Variants in C1QTNF3 observed in about 807,000 individuals in gnomAD.
The protein encoded by C1QTNF3 is C1q and TNF related 3.
Under a neutral mutation model 32.6 loss-of-function variants are expected in C1QTNF3, and 26 were observed. That is an observed-to-expected ratio of 0.80 (90% CI 0.58 to 1.11). C1QTNF3 has a LOEUF of 1.11. C1QTNF3 is among the 50% of genes least tolerant of loss of function. The pLI is 0.00. For missense variants in C1QTNF3, 362 were observed against 398.2 expected (o/e 0.91, Z 0.77); for synonymous variants, 155 against 146.0 (o/e 1.06, Z -0.44).
upstream of C1QTNF3, chr5:34,043,221 G>A: frequency 2.3e-6 from 3 of 1,319,886 alleles, no homozygotes; most frequent in East Asian, 2.3e-5. Flanking sequence ...GCTGAGAGCT[G>A]CAGCGGCGGA....
chr5:34,058,825 C>T, the C1QTNF3 span, among the ~76,000 whole-genome samples: 2 of 152,166 alleles, frequency 1.3e-5, no homozygotes, highest in Non-Finnish European at 2.9e-5. Flanking sequence ...CTGTCTATTT[C>T]GATCAGTAAA....
chr5:34,162,864 T>G, the C1QTNF3 span, among the ~76,000 whole-genome samples: 1 of 152,174 alleles, frequency 6.6e-6, no homozygotes, highest in Non-Finnish European at 1.5e-5. Context: ...ATTGTTTTAA[T>G]TGAGAAAAAT....
chr5:34,110,695 G>A, the C1QTNF3 span, among the ~76,000 whole-genome samples: 2 of 152,030 alleles, frequency 1.3e-5, no homozygotes, highest in East Asian at 1.9e-4. Flanking sequence ...AAAACTGATC[G>A]CTGCTTATTG....
chr5:34,235,219 C>T, the C1QTNF3 span, among the ~76,000 whole-genome samples: 2 of 152,102 alleles, frequency 1.3e-5, no homozygotes, highest in Admixed American at 6.5e-5. Context: ...GCTTTTTCAA[C>T]CTAATCAGAA....
chr5:34,046,709 T>C (rs912177345), upstream of C1QTNF3, among the ~76,000 whole-genome samples: 1 of 152,164 alleles, frequency 6.6e-6, no homozygotes, highest in Admixed American at 6.5e-5. Context: ...ATGTCAGTCT[T>C]AGCAAACAAA....
the C1QTNF3 span, among the ~76,000 whole-genome samples, chr5:34,231,169 A>G: frequency 1.3e-5 from 2 of 152,186 alleles, no homozygotes; most frequent in Admixed American, 1.3e-4. Flanking sequence ...TTTTGCTTTA[A>G]TAACAAATTA....
At chr5:34,150,457 G>C in the C1QTNF3 span, among the ~76,000 whole-genome samples, 1 of 71,652 alleles carries the variant, frequency 1.4e-5, no homozygotes, top group Admixed American at 1.3e-4. Flanking sequence ...TGGAAGTAAA[G>C]CTCTCCTCAG....
chr5:34,082,519 A>G, the C1QTNF3 span, among the ~76,000 whole-genome samples: 2 of 151,816 alleles, frequency 1.3e-5, no homozygotes, highest in South Asian at 2.1e-4. Context: ...CTACACTACC[A>G]TTTAATGAGA....
At chr5:34,209,731 T>C in the C1QTNF3 span, among the ~76,000 whole-genome samples, 2 of 152,076 alleles carry the variant, frequency 1.3e-5, no homozygotes, top group East Asian at 1.9e-4. Flanking sequence ...GGATCATATA[T>C]ATAGTTTTAC....
At chr5:34,137,338 C>T in the C1QTNF3 span, among the ~76,000 whole-genome samples, 9 of 152,144 alleles carry the variant, frequency 5.9e-5, no homozygotes, top group Admixed American at 3.3e-4. Flanking sequence ...ATTTCTACGT[C>T]CTGATTCCAA....
chr5:34,162,172 C>G, the C1QTNF3 span, among the ~76,000 whole-genome samples: 1 of 151,972 alleles, frequency 6.6e-6, no homozygotes, highest in East Asian at 1.9e-4. Context: ...TATAATGAAC[C>G]ATGGTTCATG....
the C1QTNF3 span, among the ~76,000 whole-genome samples, chr5:34,078,631 A>AT: frequency 6.6e-6 from 1 of 151,574 alleles, no homozygotes; most frequent in African/African-American, 2.4e-5. This position sits in a 1 kb window ranked among gnomAD's most constrained non-coding sequence, Gnocchi z 4.0. Flanking sequence ...ACGATTTGAG[A>AT]TAAGATTTGG....
At chr5:34,060,496 G>T in the C1QTNF3 span, among the ~76,000 whole-genome samples, 1 of 152,184 alleles carries the variant, frequency 6.6e-6, no homozygotes, top group Non-Finnish European at 1.5e-5. Flanking sequence ...GTATGCCTGT[G>T]TATTAGTCTG....
At chr5:34,021,048 T>TC (rs1754315898) in intron 5 of C1QTNF3, among the ~76,000 whole-genome samples, 6 of 152,106 alleles carry the variant, frequency 3.9e-5, no homozygotes, top group African/African-American at 1.4e-4. Flanking sequence ...CTCTCTCTCT[T>TC]CTCTGCTCCA....
chr5:34,155,896 T>C, the C1QTNF3 span, among the ~76,000 whole-genome samples: 1 of 152,168 alleles, frequency 6.6e-6, no homozygotes, highest in African/African-American at 2.4e-5. Context: ...AAAATACTTT[T>C]AAATATATAA....
the C1QTNF3 span, among the ~76,000 whole-genome samples, chr5:34,218,731 C>T: frequency 1.2e-4 from 18 of 152,226 alleles, 1 homozygote; most frequent in Middle Eastern, 3.4e-3. Context: ...CTCTCTAGAA[C>T]TCTAGGTAAA....
At chr5:34,089,433 G>C in the C1QTNF3 span, among the ~76,000 whole-genome samples, 1 of 152,106 alleles carries the variant, frequency 6.6e-6, no homozygotes. Context: ...TGGTATGAAT[G>C]GAATTGGTGC....
At chr5:34,139,708 C>T in the C1QTNF3 span, among the ~76,000 whole-genome samples, 1 of 152,022 alleles carries the variant, frequency 6.6e-6, no homozygotes, top group African/African-American at 2.4e-5. Context: ...AATAAACTGA[C>T]CTAGAATCAC....
At chr5:34,235,834 A>T in the C1QTNF3 span, among the ~76,000 whole-genome samples, 1 of 152,268 alleles carries the variant, frequency 6.6e-6, no homozygotes, top group Non-Finnish European at 1.5e-5. Context: ...GGTGATTTCT[A>T]TATTACTTGG....
Sources: gnomAD v4.1 joint callset for allele counts (sites outside exome capture counted in the v4.1 genomes callset) on GRCh38, gnomAD v4.1.1 for gene constraint, Gnocchi (gnomAD v3.1) non-coding constraint, MANE v1.5 for transcripts, NCBI Gene and HGNC (gene_info 2026-07-23, HGNC 2026-07-21) for gene names.